Variants in NLRP8 observed in about 807,000 individuals in gnomAD.
NLRP8 encodes NLR family pyrin domain containing 8.
In NLRP8, 86 loss-of-function variants were observed where a neutral mutation model predicts 88.7. The ratio of observed to expected loss-of-function variants is 0.97; its 90% CI spans 0.81 to 1.16. NLRP8 has a LOEUF of 1.16. NLRP8 is among the 50% of genes most tolerant of loss of function. NLRP8 has a pLI of 0.00. For missense variants in NLRP8, 1,342 were observed against 1,286.5 expected (o/e 1.04, Z -0.66); for synonymous variants, 504 against 494.6 (o/e 1.02, Z -0.25).
At chr19:55,980,584 C>T (rs1021164982) in intron 9 of NLRP8, among the ~76,000 whole-genome samples, 72 of 151,468 alleles carry the variant, frequency 4.8e-4, no homozygotes, top group Admixed American at 1.8e-3. Context: ...TGGCTGTGGG[C>T]GGCGGGGGGG....
At chr19:55,974,403 A>G (rs145999447) in intron 7 of NLRP8, among the ~76,000 whole-genome samples, 51 of 148,878 alleles carry the variant, frequency 3.4e-4, no homozygotes, top group Non-Finnish European at 5.9e-4. Context: ...CTGCAGGCAT[A>G]TCCCCTGAGT....
Position 55,955,269 on chromosome 19 carries a change from C to G in NLRP8, c.1211C>G (p.Ser404Cys). The G allele has an allele frequency of 6.2e-7, 1 of 1,614,180 alleles. No homozygotes were observed. Among genetic ancestry groups the G allele is most frequent in the South Asian group, 1.1e-5 (1 of 91,080 alleles). ...CCTGTGGTTTGCTGGATGGTCTGCT[C>G]TGGTCTGAAACAGCAAATGGAGAGA... The change falls in exon 3 of 10, where the codon TCT (serine) becomes TGT (cysteine). Residue 404 changes from serine to cysteine, a missense_variant. Coordinates refer to ENST00000291971, the MANE Select transcript of NLRP8 (RefSeq NM_176811.2).
At chr19:55,964,954 T>TAAAACATTAAAACATA (rs1287930650) in intron 4 of NLRP8, among the ~76,000 whole-genome samples, 3 of 152,036 alleles carry the variant, frequency 2.0e-5, no homozygotes, top group African/African-American at 2.4e-5. Context: ...ACATAAGCAT[T>TAAAACATTAAAACATA]AGAGGTGCAA....
intron 9 of NLRP8, among the ~76,000 whole-genome samples, chr19:55,986,321 C>G (rs1980806154): frequency 6.9e-6 from 1 of 145,798 alleles, no homozygotes; most frequent in African/African-American, 2.6e-5. Context: ...GTCTCTCACA[C>G]ACACACACTC....
At chr19:55,966,434 T>A in intron 5 of NLRP8, 54 bp downstream of exon 5, 1 of 1,542,470 alleles carries the variant, frequency 6.5e-7, no homozygotes, top group South Asian at 1.2e-5. Context: ...GATGGTCTTT[T>A]CAAGGGCGGT....
At chr19:55,963,622 T>A (rs925550904) in intron 4 of NLRP8, among the ~76,000 whole-genome samples, 2 of 152,022 alleles carry the variant, frequency 1.3e-5, no homozygotes, top group African/African-American at 4.8e-5. Flanking sequence ...TGATCATGGC[T>A]TACTGCAACC....
intron 3 of NLRP8, among the ~76,000 whole-genome samples, chr19:55,959,709 G>C (rs1396021935): frequency 4.6e-5 from 7 of 152,048 alleles, no homozygotes; most frequent in Admixed American, 2.0e-4. Flanking sequence ...TCTGTAACTG[G>C]GTACACAGGG....
intron 8 of NLRP8, 116 bp from the exon 9 acceptor site, chr19:55,979,278 C>A: frequency 1.7e-6 from 2 of 1,146,806 alleles, no homozygotes; most frequent in Non-Finnish European, 1.3e-6. Flanking sequence ...ATAGTTGGAA[C>A]AACATTACAC....
At chr19:55,980,016 G>A (rs904906878) in intron 9 of NLRP8, among the ~76,000 whole-genome samples, 1 of 152,162 alleles carries the variant, frequency 6.6e-6, no homozygotes, top group Non-Finnish European at 1.5e-5. Flanking sequence ...TTCCCTTAAT[G>A]TAGCTGTTCA....
intron 3 of NLRP8, among the ~76,000 whole-genome samples, chr19:55,958,151 C>T (rs1280546381): frequency 6.6e-6 from 1 of 152,056 alleles, no homozygotes; most frequent in Non-Finnish European, 1.5e-5. Flanking sequence ...TTAGACTGAC[C>T]CCTGGCGAGA....
At chr19:55,978,876 G>T (rs535068326) in intron 8 of NLRP8, among the ~76,000 whole-genome samples, 1 of 152,158 alleles carries the variant, frequency 6.6e-6, no homozygotes, top group Admixed American at 6.5e-5. Flanking sequence ...GTGAGTCAGG[G>T]TCACACCACT....
chr19:55,976,523 C>T (rs552469402), intron 8 of NLRP8, among the ~76,000 whole-genome samples: 19 of 152,110 alleles, frequency 1.2e-4, no homozygotes, highest in African/African-American at 4.1e-4. Context: ...GGCCCCACTT[C>T]GGACCTAGGG....
chr19:55,954,868 C>A lies in NLRP8; in HGVS notation c.810C>A (p.Leu270=). 6.2e-7 allele frequency: 1 copy of A among 1,614,170 alleles called. No homozygotes were observed. Among genetic ancestry groups the A allele is most frequent in the East Asian group, 2.2e-5 (1 of 44,884 alleles). ...AAAAGTGGCCTGGATCTCAGGACCT[C>A]GTGTCAAAGATTATGTCCAAACCCG... is the stretch of plus-strand genomic sequence containing the variant. Residue 270 remains leucine, a synonymous_variant, in exon 3 of 10, where the codon CTC becomes CTA. Transcript: ENST00000291971.
At chr19:55,979,108 G>A (rs992077589) in intron 8 of NLRP8, among the ~76,000 whole-genome samples, 13 of 152,178 alleles carry the variant, frequency 8.5e-5, no homozygotes, top group African/African-American at 2.2e-4. Context: ...TGTCCACTAG[G>A]TAGAATCAAA....
At chr19:55,959,729 A>C (rs1306296234) in intron 3 of NLRP8, among the ~76,000 whole-genome samples, 1 of 152,214 alleles carries the variant, frequency 6.6e-6, no homozygotes, top group Non-Finnish European at 1.5e-5. Flanking sequence ...GAGAAGGCCA[A>C]GAAATATCAC....
intron 2 of NLRP8, among the ~76,000 whole-genome samples, chr19:55,953,283 A>G (rs1449406619): frequency 6.6e-6 from 1 of 152,114 alleles, no homozygotes; most frequent in Non-Finnish European, 1.5e-5. Flanking sequence ...CGGGAAAACA[A>G]GCTCAGGGCT....
intron 4 of NLRP8, among the ~76,000 whole-genome samples, chr19:55,965,503 A>C (rs986291589): frequency 6.6e-6 from 1 of 152,090 alleles, no homozygotes; most frequent in Non-Finnish European, 1.5e-5. Flanking sequence ...AATATAAATA[A>C]AAATTTTAAA....
intron 9 of NLRP8, among the ~76,000 whole-genome samples, chr19:55,987,044 C>T (rs2060541): frequency 6.6e-6 from 1 of 152,184 alleles, no homozygotes; most frequent in Non-Finnish European, 1.5e-5. Flanking sequence ...TTAGGTAAGT[C>T]TCTCGTCCTT....
intron 9 of NLRP8, among the ~76,000 whole-genome samples, chr19:55,982,364 A>G (rs991692822): frequency 6.6e-6 from 1 of 151,236 alleles, no homozygotes; most frequent in Non-Finnish European, 1.5e-5. Flanking sequence ...ACTATTCACA[A>G]TAGCCAAGAT....
Sources: gnomAD v4.1 joint callset for allele counts (sites outside exome capture counted in the v4.1 genomes callset) on GRCh38, gnomAD v4.1.1 for gene constraint, MANE v1.5 for transcripts, NCBI Gene and HGNC (gene_info 2026-07-23, HGNC 2026-07-21) for gene names.